The following CPAMD8 variants were observed in gnomAD, a reference collection of about 807,000 sequenced individuals.
CPAMD8 encodes the protein C3 and PZP like alpha-2-macroglobulin domain containing 8, also known as C3 and PZP-like alpha-2-macroglobulin domain-containing protein 8.
Under a neutral mutation model 224.7 loss-of-function variants are expected in CPAMD8, and 146 were observed. The observed-to-expected ratio is 0.65, with a 90% CI of 0.57 to 0.75. The LOEUF is 0.75. Ranked by LOEUF, CPAMD8 falls within the 30% of genes least tolerant of loss-of-function variation. The probability of loss-of-function intolerance (pLI) is 0.00; values close to 1 mark genes in which losing one functional copy is unlikely to be tolerated. For missense variants in CPAMD8, 2,301 were observed against 2,537.5 expected (o/e 0.91, Z 2.00); for synonymous variants, 966 against 1,044.6 (o/e 0.92, Z 1.45).
At chr19:16,961,442 C>T (rs8108942) in intron 18 of CPAMD8, among the ~76,000 whole-genome samples, 1 of 152,282 alleles carries the variant, frequency 6.6e-6, no homozygotes, top group Non-Finnish European at 1.5e-5. Flanking sequence ...CGAACTGCGA[C>T]GTGGCAGCCT....
intron 14 of CPAMD8, among the ~76,000 whole-genome samples, chr19:16,979,386 T>TCACCCATC (rs368692016): frequency 6.0e-5 from 8 of 133,576 alleles, no homozygotes; most frequent in African/African-American, 2.4e-4. Context: ...ATCTGTCCAT[T>TCACCCATC]CATCCATCCA....
In CPAMD8 at chr19:16,921,960, G is replaced by A. The variant is rs1335829204; in HGVS notation, c.3574C>T (p.Arg1192Cys). The part of the protein sequence containing the change: ...QGYQRQLTYK[R>C]QDGSYSAFGE... ...AACGCGCTGTAGGAGCCATCCTGGC[G>A]CTTGTAGGTCAGCTGGCGCTGGTAG... The change falls in exon 27 of 42, where the codon CGC (arginine) becomes TGC (cysteine). Residue 1192 changes from arginine (R) to cysteine (C), a missense_variant. This residue lies in a region of CPAMD8 where 1,709 missense variants were observed against 1,753.2 expected (regional missense o/e 0.97). Coordinates refer to ENST00000443236, the MANE Select transcript of CPAMD8 (RefSeq NM_015692.5). The A allele has an allele frequency of 3.4e-5, 53 of 1,548,056 alleles. No homozygotes were observed. The highest frequency in any genetic ancestry group is 4.1e-5 in the Non-Finnish European group (47 of 1,146,740).
chr19:17,003,082 T>C (rs1015782730), intron 8 of CPAMD8, among the ~76,000 whole-genome samples: 17 of 151,774 alleles, frequency 1.1e-4, no homozygotes. Context: ...TTTGTATTTT[T>C]AGTAGAGATG....
At chr19:16,965,455 C>A (rs2054798477) in intron 18 of CPAMD8, among the ~76,000 whole-genome samples, 2 of 152,108 alleles carry the variant, frequency 1.3e-5, no homozygotes, top group Admixed American at 1.3e-4. Flanking sequence ...CCTCTCTCAC[C>A]ACTCCTATTC....
intron 3 of CPAMD8, among the ~76,000 whole-genome samples, chr19:17,014,557 G>T (rs1297843260): frequency 6.6e-6 from 1 of 152,196 alleles, no homozygotes; most frequent in African/African-American, 2.4e-5. Flanking sequence ...AGTTTCACGT[G>T]GCTGGGGAGG....
chr19:16,943,259 GCCCACCTTGGCCT>G (rs2053965093), intron 22 of CPAMD8, among the ~76,000 whole-genome samples: 2 of 151,998 alleles, frequency 1.3e-5, no homozygotes, highest in African/African-American at 4.8e-5. Flanking sequence ...CAGGTGGTCT[GCCCACCTTGGCCT>G]CCCAAAGTGC....
At chr19:17,015,950 T>C (rs1390334038) in intron 3 of CPAMD8, among the ~76,000 whole-genome samples, 1 of 152,182 alleles carries the variant, frequency 6.6e-6, no homozygotes. Context: ...TCCAGCCTTC[T>C]TTCCGTGTTT....
At chr19:16,929,921 C>G (rs116638427) in intron 23 of CPAMD8, among the ~76,000 whole-genome samples, 88 of 152,288 alleles carry the variant, frequency 5.8e-4, no homozygotes, top group African/African-American at 2.1e-3. Context: ...CCAGGAGGCT[C>G]TTTTGGAGAA....
At chr19:16,897,340 C>T (rs951912336) in intron 39 of CPAMD8, 2 of 292,078 alleles carry the variant, frequency 6.8e-6, no homozygotes, top group Non-Finnish European at 1.2e-5. Flanking sequence ...CCCCTCGCCG[C>T]TCGACCCCGC....
At position 16,898,079 on chromosome 19, in the gene CPAMD8, G is replaced by T; in HGVS notation, c.4849-85C>A. The T allele has an allele frequency of 1.2e-6, 1 of 859,568 alleles. No homozygotes were observed. Among genetic ancestry groups the T allele is most frequent in the Non-Finnish European group, 1.8e-6 (1 of 549,004 alleles). 53.2% of individuals were successfully genotyped at this position (859,568 alleles called of 1,614,324 possible). ...CAGGCCCAGAACTGGCTGATTTCAG[G>T]GATACCCAGGACGCGTGAAACACAG... On this transcript the variant is annotated intron_variant, in intron 37 of 41. Coordinates refer to ENST00000443236, the MANE Select transcript of CPAMD8 (RefSeq NM_015692.5). This position sits in a 1 kb window ranked among gnomAD's most constrained non-coding sequence, Gnocchi z 4.2.
chr19:16,934,129 A>G (rs947232508), intron 23 of CPAMD8, among the ~76,000 whole-genome samples: 3 of 152,142 alleles, frequency 2.0e-5, no homozygotes, highest in African/African-American at 7.2e-5. Context: ...AATACAAACT[A>G]ATCTACAGAG....
At chr19:16,931,228 GGAGCCT>G (rs1241892585) in intron 23 of CPAMD8, among the ~76,000 whole-genome samples, 1 of 152,104 alleles carries the variant, frequency 6.6e-6, no homozygotes, top group African/African-American at 2.4e-5. Flanking sequence ...ACACCACCAG[GGAGCCT>G]GAGATAGGTC....
intron 32 of CPAMD8, 50 bp downstream of exon 32, chr19:16,904,176 A>AGGGCCCCCCCCCCCCCCCCCCCCCCC: frequency 2.1e-6 from 2 of 937,328 alleles, no homozygotes; most frequent in Non-Finnish European, 3.3e-6. Context: ...GACTGCAGGG[A>AGGGCCCCCCCCCCCCCCCCCCCCCCC]CCCCACCCAC....
chr19:17,000,234 G>T lies in CPAMD8; in HGVS notation c.867+180C>A, dbSNP rs112047702. 7,338 of 482,848 alleles carry T rather than the reference G, an allele frequency of 0.015. 176 individuals are homozygous for T. The highest frequency in any genetic ancestry group is 0.071 in the African/African-American group (3,628 of 51,062). 29.9% of individuals were successfully genotyped at this position (482,848 alleles called of 1,614,324 possible). A position where few individuals can be genotyped will look rare whatever the true frequency, so the allele number is the denominator to read the frequency against. On this transcript the variant is annotated intron_variant, in intron 10 of 41. Coordinates refer to ENST00000443236, the MANE Select transcript of CPAMD8 (RefSeq NM_015692.5). The stretch of plus-strand genomic sequence containing the variant: ...TTTTGGGGGCAAAGGCGAGAGGATC[G>T]CTTGAGCCCAGGAGTTCAAGACAAG...
In CPAMD8 at chr19:16,898,457, AAAC is replaced by A. The variant is rs2144703835; in HGVS notation, c.4849-466_4849-464del. 6.6e-6 allele frequency among the ~76,000 whole-genome samples: 1 copy of A among 152,180 alleles called. No homozygotes were observed. The highest frequency in any genetic ancestry group is 2.4e-5 in the African/African-American group (1 of 41,534). ...GGGAAAACGTCTCAGGTGGCCTCTGAAACACCACTCCTTTTTGTGTGTGTGCAC... is the reference window on the plus strand; with the variant it reads ...GGGAAAACGTCTCAGGTGGCCTCTGAACCACTCCTTTTTGTGTGTGTGCAC... On this transcript the variant is annotated intron_variant, in intron 37 of 41. Transcript: ENST00000443236. This position sits in a 1 kb window ranked among gnomAD's most constrained non-coding sequence, Gnocchi z 4.2.
Position 16,895,903 on chromosome 19 carries a change from G to GCGCACACACACACACA in CPAMD8, c.5426+272_5426+273insTGTGTGTGTGTGTGCG, listed in dbSNP as rs755564239. The GCGCACACACACACACA allele has an allele frequency of 5.7e-6, 3 of 524,812 alleles. No homozygotes were observed. In the African/African-American group the frequency reaches 6.0e-5, roughly 11 times the overall value. 32.5% of individuals were successfully genotyped at this position (524,812 alleles called of 1,614,324 possible). On this transcript the variant is annotated intron_variant, in intron 41 of 41. Coordinates refer to ENST00000443236, the MANE Select transcript of CPAMD8 (RefSeq NM_015692.5). ...CCCGTATGCGCGCGCGCGCGCGCACGCACACACACACACACACACACACAC... is the reference window on the plus strand; with the variant it reads ...CCCGTATGCGCGCGCGCGCGCGCACGCGCACACACACACACACACACACACACACACACACACACAC...
chr19:16,902,582 G>T, intron 35 of CPAMD8, 67 bp downstream of exon 35: 1 of 984,146 alleles, frequency 1.0e-6, no homozygotes, highest in Non-Finnish European at 1.5e-6. Context: ...CCTGGTCCCA[G>T]GAGGCCATCC....
chr19:17,002,875 A>C (rs1223532005), intron 8 of CPAMD8, among the ~76,000 whole-genome samples: 2 of 150,796 alleles, frequency 1.3e-5, no homozygotes. Context: ...GAGCCTAAGA[A>C]TCTTTTCGTT....
chr19:16,989,279 T>C (rs1456473809), intron 13 of CPAMD8, among the ~76,000 whole-genome samples: 2 of 152,070 alleles, frequency 1.3e-5, no homozygotes, highest in Admixed American at 1.3e-4. Flanking sequence ...ACTGCTGCCT[T>C]AGGGGCTCAC....
Sources: allele counts gnomAD v4.1 joint callset (sites outside exome capture counted in the v4.1 genomes callset), GRCh38; gene constraint gnomAD v4.1.1; regional missense constraint gnomAD v4.1.1; non-coding constraint Gnocchi (gnomAD v3.1); transcripts MANE v1.5; gene names NCBI Gene and HGNC (gene_info 2026-07-23, HGNC 2026-07-21).